Variants in TIAM2 observed in about 807,000 individuals in gnomAD.
TIAM2 encodes TIAM Rac1 associated GEF 2.
Under a neutral mutation model 152.9 loss-of-function variants are expected in TIAM2, and 80 were observed. The ratio of observed to expected loss-of-function variants is 0.52; its 90% CI spans 0.44 to 0.63. The LOEUF (loss-of-function observed/expected upper bound fraction) is 0.63, where lower values mean the gene tolerates loss of function less well. Ranked by LOEUF, TIAM2 falls within the 30% of genes least tolerant of loss-of-function variation. TIAM2 has a pLI of 0.00. For synonymous variants in TIAM2, 804 were observed against 838.0 expected (o/e 0.96, Z 0.70); for missense variants, 1,965 against 2,120.1 (o/e 0.93, Z 1.44).
At chr6:155,064,687 A>G (rs1777650854) in intron 1 of TIAM2, among the ~76,000 whole-genome samples, 1 of 152,326 alleles carries the variant, frequency 6.6e-6, no homozygotes, top group Admixed American at 6.5e-5. Context: ...ATTATGCTCC[A>G]TGGCTTGTTT....
intron 1 of TIAM2, among the ~76,000 whole-genome samples, chr6:155,064,835 G>A (rs935457888): frequency 6.6e-6 from 1 of 151,608 alleles, no homozygotes; most frequent in African/African-American, 2.4e-5. Context: ...CCTCCTCATC[G>A]CCTGTAGTTT....
intron 14 of TIAM2, among the ~76,000 whole-genome samples, chr6:155,198,686 A>G (rs1462722306): frequency 6.6e-6 from 1 of 151,896 alleles, no homozygotes. Context: ...AAAAAAAAAA[A>G]AAAATCTCTT....
In TIAM2 at chr6:155,176,937, C is replaced by T; in HGVS notation, c.2483C>T (p.Pro828Leu). 1 of 1,613,654 alleles carries T rather than the reference C, an allele frequency of 6.2e-7. No individual in the cohort carries two copies. Among genetic ancestry groups the T allele is most frequent in the Non-Finnish European group, 8.5e-7 (1 of 1,179,880 alleles). Residue 828 changes from proline (P) to leucine (L), a missense_variant, in exon 10 of 27, where the codon CCA (proline) becomes CTA (leucine). Coordinates refer to ENST00000682666, the MANE Select transcript of TIAM2 (RefSeq NM_012454.4). ...CACGGAGTTACTGTAGGGATCAAGC[C>T]AGAGCACAGAGTAGAAGATATTTTG... ...DNHGVTVGIK[P>L]EHRVEDILTL...
intron 2 of TIAM2, among the ~76,000 whole-genome samples, chr6:155,096,988 T>C (rs1456701507): frequency 6.6e-6 from 1 of 152,244 alleles, no homozygotes; most frequent in Admixed American, 6.5e-5. Context: ...AGGGTTTCCC[T>C]TTCTCTACAT....
At chr6:155,085,992 A>G (rs1292893531) in intron 1 of TIAM2, among the ~76,000 whole-genome samples, 4 of 152,222 alleles carry the variant, frequency 2.6e-5, no homozygotes. Context: ...TGGTCACAAG[A>G]TATTGCAGTC....
chr6:155,010,775 C>T (rs958315986), intron 1 of TIAM2, among the ~76,000 whole-genome samples: 4 of 149,822 alleles, frequency 2.7e-5, no homozygotes, highest in African/African-American at 4.9e-5. Flanking sequence ...TTAGGCCAGG[C>T]GCGGTGGCTC....
chr6:155,253,413 G>C, intron 24 of TIAM2: 1 of 212,652 alleles, frequency 4.7e-6, no homozygotes, highest in Admixed American at 5.5e-5. Context: ...AGGTTAGGTA[G>C]TACTGTAGGT....
chr6:155,094,722 T>TG (rs1344884213), intron 2 of TIAM2, among the ~76,000 whole-genome samples: 1 of 134,974 alleles, frequency 7.4e-6, no homozygotes, highest in Admixed American at 8.7e-5. Context: ...GCTATATCTA[T>TG]GGTTTTTTTT....
intron 14 of TIAM2, among the ~76,000 whole-genome samples, chr6:155,206,191 A>G (rs562784215): frequency 3.3e-5 from 5 of 152,302 alleles, no homozygotes; most frequent in Admixed American, 2.0e-4. Flanking sequence ...GCGGAAGTGT[A>G]GGGAGGCAGG....
At chr6:155,093,333 G>A (rs1310013198) in intron 2 of TIAM2, among the ~76,000 whole-genome samples, 1 of 152,342 alleles carries the variant, frequency 6.6e-6, no homozygotes, top group African/African-American at 2.4e-5. Flanking sequence ...CCTTTCTCCA[G>A]ACCGTAGATG....
chr6:155,094,811 G>A (rs1778384833), intron 2 of TIAM2, among the ~76,000 whole-genome samples: 1 of 149,256 alleles, frequency 6.7e-6, no homozygotes, highest in Non-Finnish European at 1.5e-5. Flanking sequence ...TTGAATTCCT[G>A]AGCTCAAGTG....
intron 14 of TIAM2, among the ~76,000 whole-genome samples, chr6:155,206,278 C>T (rs763213522): frequency 1.3e-5 from 2 of 152,158 alleles, no homozygotes; most frequent in African/African-American, 2.4e-5. Flanking sequence ...GATGGAATCT[C>T]GCTCTGTCGC....
At chr6:155,150,806 C>T (rs540698661) in intron 7 of TIAM2, among the ~76,000 whole-genome samples, 5 of 152,110 alleles carry the variant, frequency 3.3e-5, no homozygotes, top group African/African-American at 7.2e-5. Context: ...GGGATCTTTC[C>T]GGGCCGCGTT....
rs1349033475 is a variant in TIAM2, at chr6:155,059,280, T to TTC, written c.-208-31007_-208-31006dup. Among the ~76,000 whole-genome samples the TTC allele has an allele frequency of 4.5e-3, 541 of 119,742 alleles. 4 individuals carry two copies. Among genetic ancestry groups the TTC allele is most frequent in the South Asian group, 7.4e-3 (26 of 3,530 alleles). 78.6% of individuals were successfully genotyped at this position (119,742 alleles called of 152,430 possible). A position where few individuals can be genotyped will look rare whatever the true frequency, so the allele number is the denominator to read the frequency against. On this transcript the variant is annotated intron_variant, in intron 1 of 26. Transcript: ENST00000682666. The stretch of plus-strand genomic sequence containing the variant: ...ATCGGGAATTTAGTGGAATGTCCCT[T>TTC]TCTGTGTGTGTGTCTGTGTGTGTGT...
At chr6:155,021,785 G>T (rs1267861603) in intron 1 of TIAM2, among the ~76,000 whole-genome samples, 1 of 152,162 alleles carries the variant, frequency 6.6e-6, no homozygotes, top group African/African-American at 2.4e-5. Context: ...ACTGTCAAAG[G>T]TAGGACTGAA....
intron 15 of TIAM2, among the ~76,000 whole-genome samples, chr6:155,223,527 C>CTTTTTTTTTTTT (rs11385281): frequency 2.3e-5 from 3 of 130,870 alleles, no homozygotes; most frequent in Non-Finnish European, 3.1e-5. Context: ...ATTTTTTTTT[C>CTTTTTTTTTTTT]TTTTTTTTTT....
chr6:155,053,073 G>A (rs949964201), intron 1 of TIAM2, among the ~76,000 whole-genome samples: 3 of 151,974 alleles, frequency 2.0e-5, no homozygotes, highest in African/African-American at 7.3e-5. Context: ...CCAATATTTC[G>A]TACTTTTTAT....
intron 7 of TIAM2, among the ~76,000 whole-genome samples, chr6:155,154,030 T>A (rs998805883): frequency 4.6e-5 from 7 of 152,334 alleles, no homozygotes; most frequent in African/African-American, 1.4e-4. Flanking sequence ...AAAAATGTAA[T>A]GTGAAGCCAC....
intron 1 of TIAM2, among the ~76,000 whole-genome samples, chr6:155,036,070 T>A (rs1010299186): frequency 6.6e-6 from 1 of 152,166 alleles, no homozygotes; most frequent in African/African-American, 2.4e-5. Context: ...ATTTAGGCTT[T>A]TGAGGTGGAA....
Sources: gnomAD v4.1 joint callset for allele counts (sites outside exome capture counted in the v4.1 genomes callset) on GRCh38, gnomAD v4.1.1 for gene constraint, MANE v1.5 for transcripts, NCBI Gene and HGNC (gene_info 2026-07-23, HGNC 2026-07-21) for gene names.